The following TNK2 variants were observed in gnomAD, a reference collection of about 807,000 sequenced individuals.
TNK2 encodes activated CDC42 kinase 1.
In TNK2, 83 loss-of-function variants were observed where a neutral mutation model predicts 101.8. That is an observed-to-expected ratio of 0.82 (90% confidence interval 0.68 to 0.98). The LOEUF is 0.98. Among genes scored for constraint, TNK2 ranks in the 50% least tolerant of loss-of-function variants. TNK2 has a pLI of 0.00. For synonymous variants in TNK2, 804 were observed against 633.0 expected, an observed-to-expected ratio of 1.27 and a Z score of -4.06; for missense variants, 1,665 against 1,483.2, an observed-to-expected ratio of 1.12 and a Z score of -2.01.
At chr3:195,871,369 A>G (rs935208121) in intron 10 of TNK2, among the ~76,000 whole-genome samples, 2 of 152,096 alleles carry the variant, frequency 1.3e-5, no homozygotes, top group Non-Finnish European at 2.9e-5. Context: ...TTCCCTCTGC[A>G]GTCCCCAAGG....
chr3:195,897,576 A>G (rs1421457280), intron 1 of TNK2, among the ~76,000 whole-genome samples: 3 of 152,180 alleles, frequency 2.0e-5, no homozygotes, highest in Non-Finnish European at 4.4e-5. Context: ...ATCTTGGCTC[A>G]CTGCAACCTC....
chr3:195,871,949 T>C (rs1577014632), intron 10 of TNK2, among the ~76,000 whole-genome samples: 1 of 117,026 alleles, frequency 8.5e-6, no homozygotes, highest in Admixed American at 9.0e-5. Flanking sequence ...TGGAGAACAT[T>C]CCCCTGGAGA....
chr3:195,901,184 G>A (rs1415815142), intron 1 of TNK2, among the ~76,000 whole-genome samples: 1 of 152,166 alleles, frequency 6.6e-6, no homozygotes, highest in Non-Finnish European at 1.5e-5. Flanking sequence ...CTCACCATCT[G>A]ACCTTGAAGA....
rs1310731001 is a variant in TNK2, at chr3:195,868,119, G to A, written c.2179C>T (p.Gln727Ter). 6.2e-7 allele frequency: 1 copy of A among 1,611,538 alleles called. No homozygotes were observed. Among genetic ancestry groups the A allele is most frequent in the South Asian group, 1.1e-5 (1 of 90,966 alleles). The change falls in exon 13 of 16, where the codon CAG (glutamine) becomes TAG (stop). Residue 727 changes from glutamine (Q) to a stop codon, truncating the protein, a stop_gained. Transcript: ENST00000672887. LOFTEE classifies it high-confidence loss of function. ...GCCTGCAGTTGCCTCATGCACTCCTGCTGTAGCGCCTGGAAGATCTCTGCG... is the reference window on the plus strand; with the variant it reads ...GCCTGCAGTTGCCTCATGCACTCCTACTGTAGCGCCTGGAAGATCTCTGCG... ...QTAEIFQALQ[Q>*]ECMRQLQAPA... is the part of the protein sequence containing the mutation.
At position 195,882,412 on chromosome 3, in the gene TNK2, C is replaced by T. The variant is rs780295117; in HGVS notation, c.610-84G>A. 3.2e-6 allele frequency: 5 copies of T among 1,581,102 alleles called. No individual in the cohort carries two copies. The highest frequency in any genetic ancestry group is 4.3e-6 in the Non-Finnish European group (5 of 1,162,520). ...CCCACGCTGGGCCCCCAGTCCCCTT[C>T]CTGAAGGCTTTCCAGAGCCAGGCTG... On this transcript the variant is annotated intron_variant, in intron 5 of 15. Coordinates refer to ENST00000672887, the MANE Select transcript of TNK2 (RefSeq NM_001382273.1). The surrounding 1 kb of genome is among the most constrained non-coding windows in gnomAD (Gnocchi z 4.2).
At chr3:195,889,681 G>A (rs1038366245) in intron 1 of TNK2, among the ~76,000 whole-genome samples, 1 of 152,044 alleles carries the variant, frequency 6.6e-6, no homozygotes, top group Admixed American at 6.6e-5. Context: ...ATCAGCCAGT[G>A]GTACCGGAGA....
intron 1 of TNK2, chr3:195,892,090 G>C (rs1204870384): frequency 2.5e-6 from 2 of 805,814 alleles, no homozygotes; most frequent in East Asian, 5.2e-5. Flanking sequence ...TCCAGCCCAA[G>C]GTTCTTTGTG....
intron 1 of TNK2, among the ~76,000 whole-genome samples, chr3:195,901,858 G>A (rs1381151525): frequency 2.6e-5 from 4 of 152,242 alleles, no homozygotes; most frequent in South Asian, 2.1e-4. Context: ...ACAAGGATGC[G>A]GGCCCATGGA....
Position 195,884,830 on chromosome 3 carries a change from G to A in TNK2, c.438C>T (p.Asp146=), listed in dbSNP as rs746393885. The A allele has an allele frequency of 2.7e-5, 43 of 1,611,756 alleles. No individual in the cohort carries two copies. The East Asian group carries it at 2.9e-4, about 11-fold the overall frequency. The change falls in exon 4 of 16, where the codon GAC becomes GAT. Residue 146 remains aspartate (D), a synonymous_variant. Transcript: ENST00000672887. Reference sequence around the variant, plus strand: ...AGCTCACCGTCTTCCCTGAGGGCGCGTCCCACTCGCCCCTGCGCACCACGC... The same window carrying A: ...AGCTCACCGTCTTCCCTGAGGGCGCATCCCACTCGCCCCTGCGCACCACGC... ...SFGVVRRGEW[D]APSGKTVSVA...
Position 195,867,348 on chromosome 3 carries a change from G to C in TNK2, c.2937+13C>G. ...CCTGCCCCGCTTCGCCCACAGCCAG[G>C]CTGGGTGCTCACCATCTGGATCTTG... On this transcript the variant is annotated intron_variant, in intron 13 of 15. Coordinates refer to ENST00000672887, the MANE Select transcript of TNK2 (RefSeq NM_001382273.1). The C allele has an allele frequency of 6.2e-7, 1 of 1,608,060 alleles. No individual in the cohort carries two copies. The highest frequency in any genetic ancestry group is 8.5e-7 in the Non-Finnish European group (1 of 1,177,878).
rs193162359 is a variant in TNK2 at position 195,902,770 on chromosome 3, G to A, written c.-19+5715C>T. Among the ~76,000 whole-genome samples, 11 of 150,716 alleles carry A rather than the reference G, an allele frequency of 7.3e-5. No homozygotes were observed. The East Asian group carries it at 2.1e-3, about 29-fold the overall frequency. On this transcript the variant is annotated intron_variant, in intron 1 of 15. Transcript: ENST00000672887. ...TTTTTTTTGTTTTGTTTTGTCTTGT[G>A]AGACAGTTTTGCTCTGTCACCCAGA...
intron 10 of TNK2, among the ~76,000 whole-genome samples, chr3:195,871,600 G>A (rs1449216902): frequency 6.6e-6 from 1 of 152,146 alleles, no homozygotes; most frequent in Non-Finnish European, 1.5e-5. Context: ...CTCCCACCGG[G>A]TTCCTCCCAA....
In TNK2 at chr3:195,882,388, C is replaced by T. The variant is rs766195235; in HGVS notation, c.610-60G>A. ...GAGGACCCTGCCCCTTCTCAGCAGCCCACGCTGGGCCCCCAGTCCCCTTCC... is the reference window on the plus strand; with the variant it reads ...GAGGACCCTGCCCCTTCTCAGCAGCTCACGCTGGGCCCCCAGTCCCCTTCC... On this transcript the variant is annotated intron_variant, in intron 5 of 15. Coordinates refer to ENST00000672887, the MANE Select transcript of TNK2 (RefSeq NM_001382273.1). The surrounding 1 kb of genome is among the most constrained non-coding windows in gnomAD (Gnocchi z 4.2). 3 of 1,597,002 alleles carry T rather than the reference C, an allele frequency of 1.9e-6. No homozygotes were observed. The South Asian group carries it at 3.3e-5, about 18-fold the overall frequency.
rs1355818123 is a variant in TNK2 at position 195,885,258 on chromosome 3, GA to G, written c.235-226del. On this transcript the variant is annotated intron_variant, in intron 3 of 15. Transcript: ENST00000672887. This position sits in a 1 kb window ranked among gnomAD's most constrained non-coding sequence, Gnocchi z 4.7. ...GATGCTGGCCTCAAGGAGGGTGCCA[GA>G]AAGAGACCGACAGGCATGCAGCCTG... 4.4e-6 allele frequency: 5 copies of G among 1,139,990 alleles called. No homozygotes were observed. In the African/African-American group the frequency reaches 6.3e-5, roughly 14 times the overall value. 70.6% of individuals were successfully genotyped at this position (1,139,990 alleles called of 1,614,324 possible). A position where few individuals can be genotyped will look rare whatever the true frequency, so the allele number is the denominator to read the frequency against.
At chr3:195,865,636 C>T (rs866626140) in intron 15 of TNK2, among the ~76,000 whole-genome samples, 4 of 149,696 alleles carry the variant, frequency 2.7e-5, no homozygotes, top group African/African-American at 7.4e-5. Flanking sequence ...AAGAACCACC[C>T]GAGACAATGA....
intron 1 of TNK2, among the ~76,000 whole-genome samples, chr3:195,902,758 G>A (rs940729293): frequency 6.8e-6 from 1 of 146,950 alleles, no homozygotes; most frequent in Non-Finnish European, 1.5e-5. Flanking sequence ...TTTTTGTTTT[G>A]TTTTGTCTTG....
chr3:195,885,031 C>CACCT lies in TNK2; in HGVS notation c.235-2_236dup (p.Phe80GlyfsTer10). On this transcript the variant is annotated frameshift_variant and splice_region_variant, in exon 4 of 16. Coordinates refer to ENST00000672887, the MANE Select transcript of TNK2 (RefSeq NM_001382273.1). LOFTEE classifies it high-confidence loss of function. The surrounding 1 kb of genome is among the most constrained non-coding windows in gnomAD (Gnocchi z 4.7). ...CAGCCTCCAGTCGCTTTCCACTGAA[C>CACCT]ACCTGTTTGAAGGCAGCCGGGGGCC... 6.3e-7 allele frequency: 1 copy of CACCT among 1,593,778 alleles called. No individual in the cohort carries two copies. The highest frequency in any genetic ancestry group is 1.3e-5 in the African/African-American group (1 of 74,362).
At position 195,864,011 on chromosome 3, in the gene TNK2, A is replaced by G. The variant is rs1576964649; in HGVS notation, c.*170T>C. The G allele has an allele frequency of 6.2e-6, 5 of 803,180 alleles. No individual in the cohort carries two copies. Among genetic ancestry groups the G allele is most frequent in the East Asian group, 2.5e-5 (1 of 40,154 alleles). 49.8% of individuals were successfully genotyped at this position (803,180 alleles called of 1,614,324 possible). ...CAGGGACAGCGCTGGTGCAGGAGGGATGGGCAGGGCAGGGCTCCCAGCCTC... is the reference window on the plus strand; with the variant it reads ...CAGGGACAGCGCTGGTGCAGGAGGGGTGGGCAGGGCAGGGCTCCCAGCCTC... On this transcript the variant is annotated 3_prime_UTR_variant, in exon 16 of 16. Transcript: ENST00000672887.
intron 11 of TNK2, chr3:195,869,874 G>C (rs1313390808): frequency 3.6e-6 from 2 of 549,546 alleles, no homozygotes; most frequent in African/African-American, 3.8e-5. Flanking sequence ...GGAGGGAGGA[G>C]GGACGCCGGG....
Sources: gnomAD v4.1 joint callset for allele counts (sites outside exome capture counted in the v4.1 genomes callset) on GRCh38, gnomAD v4.1.1 for gene constraint, Gnocchi (gnomAD v3.1) non-coding constraint, MANE v1.5 for transcripts, NCBI Gene and HGNC (gene_info 2026-07-23, HGNC 2026-07-21) for gene names.